PCED1B: variants seen among roughly 807,000 people sequenced by gnomAD.
The protein encoded by PCED1B is PC-esterase domain-containing protein 1B.
For synonymous variants in PCED1B, 251 were observed against 246.1 expected (o/e 1.02, Z -0.19); for missense variants, 573 against 573.9 (o/e 1.00, Z 0.02).
At chr12:47,206,094 T>C (rs186928859) in intron 2 of PCED1B, 1 of 152,348 alleles carries the variant, frequency 6.6e-6, no homozygotes, top group Non-Finnish European at 1.5e-5. Context: ...CAAGATCAGA[T>C]GAACCAGTTT....
intron 2 of PCED1B, among the ~76,000 whole-genome samples, chr12:47,179,333 T>C (rs1942025099): frequency 6.6e-6 from 1 of 152,238 alleles, no homozygotes; most frequent in Admixed American, 6.5e-5. Context: ...TCAGAACATC[T>C]GGACATACTA....
At position 47,203,029 on chromosome 12, in the gene PCED1B, G is replaced by C. The variant is rs543456731; in HGVS notation, c.-525-13193G>C. Among the ~76,000 whole-genome samples the C allele has an allele frequency of 6.7e-4, 101 of 150,894 alleles. 4 individuals carry two copies. Among genetic ancestry groups the C allele is most frequent in the East Asian group, 5.6e-3 (29 of 5,144 alleles). The stretch of plus-strand genomic sequence containing the variant: ...CTGTTGCCCAGGCTGGAGTGAAGTG[G>C]CATGATCTCAGCTCACTGCAACCTC... On this transcript the variant is annotated intron_variant, in intron 2 of 3. Transcript: ENST00000546455.
At chr12:47,143,359 T>C (rs1158857211) in intron 2 of PCED1B, among the ~76,000 whole-genome samples, 1 of 152,056 alleles carries the variant, frequency 6.6e-6, no homozygotes, top group East Asian at 1.9e-4. Flanking sequence ...ATAAATGAAT[T>C]TAGTAAAGTT....
chr12:47,164,065 C>A (rs1268465494), intron 2 of PCED1B, among the ~76,000 whole-genome samples: 1 of 152,182 alleles, frequency 6.6e-6, no homozygotes, highest in South Asian at 2.1e-4. Context: ...CTAGGCCTCA[C>A]CCCCCTACAA....
At chr12:47,135,720 G>T in intron 2 of PCED1B, 2 of 531,854 alleles carry the variant, frequency 3.8e-6, no homozygotes, top group Non-Finnish European at 3.8e-6. Flanking sequence ...GTTGAATAGG[G>T]ACCAGACGAC....
At chr12:47,229,058 C>A (rs529320071) in intron 3 of PCED1B, among the ~76,000 whole-genome samples, 2 of 151,742 alleles carry the variant, frequency 1.3e-5, no homozygotes, top group African/African-American at 4.8e-5. Context: ...TGATGATTAA[C>A]CTGGTATTTT....
In PCED1B at chr12:47,235,349, C is replaced by A. The variant is rs1011182869; in HGVS notation, c.286C>A (p.Arg96Ser). 3.1e-6 allele frequency: 5 copies of A among 1,614,018 alleles called. No homozygotes were observed. Among genetic ancestry groups the A allele is most frequent in the Non-Finnish European group, 4.2e-6 (5 of 1,180,054 alleles). The change falls in exon 4 of 4, where the codon CGC becomes AGC. Residue 96 changes from arginine (R) to serine (S), a missense_variant. Arg to Ser is a moderately radical substitution (Grantham distance 110, BLOSUM62 -1). Coordinates refer to ENST00000546455, the MANE Select transcript of PCED1B (RefSeq NM_138371.3). ...HHLVRFYFLT[R>S]VYSDYLQTIL... is the part of the protein sequence containing the mutation. ...TCTGGTACGTTTTTACTTCCTCACC[C>A]GCGTGTACTCCGATTACCTCCAGAC...
At chr12:47,217,470 G>GAAAAAGAAAGAAAAAGAAAGAA (rs1555155044) in intron 3 of PCED1B, among the ~76,000 whole-genome samples, 1 of 90,870 alleles carries the variant, frequency 1.1e-5, no homozygotes, top group African/African-American at 5.0e-5. Context: ...AAGAAAGAAA[G>GAAAAAGAAAGAAAAAGAAAGAA]AGAAAGAAAG....
intron 2 of PCED1B, among the ~76,000 whole-genome samples, chr12:47,110,405 T>C (rs1939141666): frequency 6.6e-6 from 1 of 152,238 alleles, no homozygotes; most frequent in South Asian, 2.1e-4. Flanking sequence ...AGCCAATCAA[T>C]TAATTATGAA....
intron 2 of PCED1B, among the ~76,000 whole-genome samples, chr12:47,108,269 C>A (rs1293139369): frequency 6.6e-6 from 1 of 152,166 alleles, no homozygotes; most frequent in Non-Finnish European, 1.5e-5. Flanking sequence ...AGCCTGAGTG[C>A]TGATGAGCTT....
chr12:47,156,889 C>T (rs1941211513), intron 2 of PCED1B, among the ~76,000 whole-genome samples: 2 of 152,128 alleles, frequency 1.3e-5, no homozygotes, highest in Non-Finnish European at 2.9e-5. Flanking sequence ...CTCTAAGCCT[C>T]AGCTTCCCCC....
intron 2 of PCED1B, among the ~76,000 whole-genome samples, chr12:47,148,837 T>C (rs918453084): frequency 6.6e-6 from 1 of 152,236 alleles, no homozygotes; most frequent in Non-Finnish European, 1.5e-5. Context: ...ATTGTTTGAG[T>C]ATCTCTGTTA....
At position 47,235,409 on chromosome 12, in the gene PCED1B, C is replaced by A; in HGVS notation, c.346C>A (p.Pro116Thr). ...AGAGCTGCAGTCGGGCGAGCACGCC[C>A]CCGACCTGGTCATCATGAATTCCTG... Reference protein sequence around the residue: ...LKELQSGEHAPDLVIMNSCLW... With the variant: ...LKELQSGEHATDLVIMNSCLW... Residue 116 changes from proline (P) to threonine (T), a missense_variant, in exon 4 of 4, where the codon CCC becomes ACC. Transcript: ENST00000546455. 1 of 1,614,186 alleles carries A rather than the reference C, an allele frequency of 6.2e-7. No individual in the cohort carries two copies. The highest frequency in any genetic ancestry group is 8.5e-7 in the Non-Finnish European group (1 of 1,180,042).
chr12:47,203,622 T>C (rs1162102934), intron 2 of PCED1B, among the ~76,000 whole-genome samples: 3 of 152,242 alleles, frequency 2.0e-5, no homozygotes, highest in Non-Finnish European at 4.4e-5. Context: ...ACTCCATCTC[T>C]GTCCCTGCAA....
At chr12:47,219,271 G>A (rs1021943726) in intron 3 of PCED1B, among the ~76,000 whole-genome samples, 2 of 152,074 alleles carry the variant, frequency 1.3e-5, no homozygotes, top group East Asian at 1.9e-4. Flanking sequence ...AACTCTTTTG[G>A]GTAATCCCTT....
intron 2 of PCED1B, among the ~76,000 whole-genome samples, chr12:47,182,277 C>A (rs967971163): frequency 6.6e-6 from 1 of 152,124 alleles, no homozygotes; most frequent in African/African-American, 2.4e-5. Context: ...AATAGACCTA[C>A]AGTATTGAGA....
At chr12:47,131,168 G>A (rs1940109704) in intron 2 of PCED1B, among the ~76,000 whole-genome samples, 1 of 152,024 alleles carries the variant, frequency 6.6e-6, no homozygotes, top group South Asian at 2.1e-4. Flanking sequence ...TACTTAAAAG[G>A]TGATTCATCC....
intron 2 of PCED1B, among the ~76,000 whole-genome samples, chr12:47,168,633 G>T (rs1267528577): frequency 6.6e-6 from 1 of 152,010 alleles, no homozygotes; most frequent in Non-Finnish European, 1.5e-5. Flanking sequence ...AATGGCAAAG[G>T]CACTTAAAGC....
intron 3 of PCED1B, among the ~76,000 whole-genome samples, chr12:47,233,390 G>A (rs1201849043): frequency 6.6e-6 from 1 of 152,194 alleles, no homozygotes; most frequent in Non-Finnish European, 1.5e-5. Context: ...CACCCGCCTT[G>A]GCCTCCCAAA....
Sources: allele counts gnomAD v4.1 joint callset (sites outside exome capture counted in the v4.1 genomes callset), GRCh38; gene constraint gnomAD v4.1.1; transcripts MANE v1.5; gene names NCBI Gene and HGNC (gene_info 2026-07-23, HGNC 2026-07-21).